LRRC38: variants seen among roughly 807,000 people sequenced by gnomAD.
LRRC38 encodes the protein leucine-rich repeat-containing protein 38.
In LRRC38, 5 loss-of-function variants were observed where a neutral mutation model predicts 16.4. The ratio of observed to expected loss-of-function variants is 0.31; its 90% CI spans 0.16 to 0.64. The LOEUF (loss-of-function observed/expected upper bound fraction) is 0.64. Among genes scored for constraint, LRRC38 ranks in the 30% least tolerant of loss-of-function variants. The probability of loss-of-function intolerance (pLI) is 0.80; values close to 1 mark genes in which losing one functional copy is unlikely to be tolerated. For missense variants in LRRC38, 341 were observed against 401.8 expected, an observed-to-expected ratio of 0.85 and a Z score of 1.29; for synonymous variants, 191 against 190.2, an observed-to-expected ratio of 1.00 and a Z score of -0.04.
intron 1 of LRRC38, among the ~76,000 whole-genome samples, chr1:13,488,690 C>T (rs1638971999): frequency 6.6e-6 from 1 of 152,090 alleles, no homozygotes; most frequent in Admixed American, 6.6e-5. Context: ...ATCTGATAAG[C>T]CATGAAAGGG....
Position 13,475,805 on chromosome 1 carries a change from G to C in LRRC38, c.*41C>G, listed in dbSNP as rs1226478169. 3 of 1,538,218 alleles carry C rather than the reference G, an allele frequency of 2.0e-6. No individual in the cohort carries two copies. In the Admixed American group the frequency reaches 5.9e-5, roughly 30 times the overall value. ...CCTCTCGTCTTGGAGAGAGCTTCTG[G>C]TTCGGTGCTGGAGAGTAAGAGGCAG... On this transcript the variant is annotated 3_prime_UTR_variant, in exon 2 of 2. Coordinates refer to ENST00000376085, the MANE Select transcript of LRRC38 (RefSeq NM_001010847.2). This position sits in a 1 kb window ranked among gnomAD's most constrained non-coding sequence, Gnocchi z 4.3.
At chr1:13,486,105 A>G (rs1016814926) in intron 1 of LRRC38, among the ~76,000 whole-genome samples, 2 of 151,862 alleles carry the variant, frequency 1.3e-5, no homozygotes, top group Admixed American at 6.6e-5. Flanking sequence ...CGCCCGGCTA[A>G]TTTTTGTAAT....
At chr1:13,509,319 A>G (rs1481586707) in intron 1 of LRRC38, among the ~76,000 whole-genome samples, 1 of 152,114 alleles carries the variant, frequency 6.6e-6, no homozygotes, top group Non-Finnish European at 1.5e-5. Flanking sequence ...GGGTGAATGC[A>G]GCCTCCCACC....
At chr1:13,506,129 C>A (rs1031078453) in intron 1 of LRRC38, among the ~76,000 whole-genome samples, 1 of 152,078 alleles carries the variant, frequency 6.6e-6, no homozygotes, top group Admixed American at 6.6e-5. Flanking sequence ...CAGCATCCCA[C>A]GAGATCGCAC....
chr1:13,495,995 C>T (rs779525318), intron 1 of LRRC38, among the ~76,000 whole-genome samples: 7 of 152,012 alleles, frequency 4.6e-5, no homozygotes, highest in Non-Finnish European at 1.0e-4. Flanking sequence ...GAGTGTCTGA[C>T]ATTTTCTAAT....
chr1:13,512,920 T>TG, intron 1 of LRRC38, 43 bp downstream of exon 1: 8 of 1,269,012 alleles, frequency 6.3e-6, no homozygotes, highest in Non-Finnish European at 5.4e-6. Context: ...GGCCTCTCCC[T>TG]GCCCCCCTCC....
chr1:13,479,983 T>C (rs1638833148), intron 1 of LRRC38, among the ~76,000 whole-genome samples: 1 of 152,230 alleles, frequency 6.6e-6, no homozygotes, highest in Admixed American at 6.5e-5. Flanking sequence ...TCCTGTAGGA[T>C]GTTCAGCAGC....
chr1:13,510,257 C>T (rs1402615931), intron 1 of LRRC38, among the ~76,000 whole-genome samples: 8 of 152,068 alleles, frequency 5.3e-5, no homozygotes, highest in Non-Finnish European at 8.8e-5. Flanking sequence ...TGGTTTTCTC[C>T]GGCAGGAAGT....
chr1:13,479,110 A>G (rs1184381351), intron 1 of LRRC38, among the ~76,000 whole-genome samples: 5 of 152,180 alleles, frequency 3.3e-5, no homozygotes. Flanking sequence ...TTTATCTTTT[A>G]AAAAATAAAA....
intron 1 of LRRC38, among the ~76,000 whole-genome samples, chr1:13,491,645 G>A (rs1639013595): frequency 6.6e-6 from 1 of 151,864 alleles, no homozygotes; most frequent in Non-Finnish European, 1.5e-5. Context: ...TGGCTAAGAT[G>A]ATATATTTAA....
chr1:13,488,090 C>T (rs960716895), intron 1 of LRRC38, among the ~76,000 whole-genome samples: 1 of 150,742 alleles, frequency 6.6e-6, no homozygotes, highest in African/African-American at 2.4e-5. Context: ...CAGAAATGCA[C>T]TCCACCACTC....
intron 1 of LRRC38, among the ~76,000 whole-genome samples, chr1:13,498,847 C>A (rs1002386184): frequency 2.0e-5 from 3 of 152,106 alleles, no homozygotes; most frequent in Non-Finnish European, 4.4e-5. Context: ...CATCTGAGAT[C>A]AAGGCATCGG....
intron 1 of LRRC38, among the ~76,000 whole-genome samples, chr1:13,492,605 G>A (rs1322361671): frequency 6.6e-6 from 1 of 151,992 alleles, no homozygotes; most frequent in East Asian, 1.9e-4. Flanking sequence ...AGGAGGCTAA[G>A]GTACAAGAAT....
chr1:13,476,476 G>A (rs1052646385), intron 1 of LRRC38, among the ~76,000 whole-genome samples: 1 of 152,090 alleles, frequency 6.6e-6, no homozygotes. Context: ...TTACAGGTGT[G>A]CACCGCCACA....
chr1:13,493,586 G>T (rs1035079915), intron 1 of LRRC38, among the ~76,000 whole-genome samples: 1 of 152,180 alleles, frequency 6.6e-6, no homozygotes, highest in African/African-American at 2.4e-5. Flanking sequence ...GGATTATCCT[G>T]GATTTGCAGG....
chr1:13,479,571 T>C (rs3845607), intron 1 of LRRC38, among the ~76,000 whole-genome samples: 19,028 of 152,244 alleles, frequency 0.12, 1,419 homozygotes, highest in East Asian at 0.27. Context: ...AAATGTCATC[T>C]CACATTTCTC....
In LRRC38 at chr1:13,513,603, G is replaced by GC; in HGVS notation, c.-11dup. The GC allele has an allele frequency of 1.1e-5, 12 of 1,084,678 alleles. No individual in the cohort carries two copies. Among genetic ancestry groups the GC allele is most frequent in the Non-Finnish European group, 1.3e-5 (12 of 895,832 alleles). The allele number at this position is 1,084,678 out of a possible 1,614,324, so 67.2% of individuals were successfully genotyped here. A position where few individuals can be genotyped will look rare whatever the true frequency, so the allele number is the denominator to read the frequency against. ...GGGCTCGGGGGCGCATGGCCGGGGG[G>GC]CCCGCGCCGGCCGCGGCGAGAAGGA... On this transcript the variant is annotated 5_prime_UTR_variant, in exon 1 of 2. Coordinates refer to ENST00000376085, the MANE Select transcript of LRRC38 (RefSeq NM_001010847.2).
intron 1 of LRRC38, among the ~76,000 whole-genome samples, chr1:13,507,327 G>A (rs943135089): frequency 6.6e-6 from 1 of 152,190 alleles, no homozygotes; most frequent in Admixed American, 6.5e-5. Context: ...TGGCACACAG[G>A]ACATGCACCG....
intron 1 of LRRC38, among the ~76,000 whole-genome samples, chr1:13,496,544 A>G (rs1639082769): frequency 6.6e-6 from 1 of 152,082 alleles, no homozygotes; most frequent in Admixed American, 6.6e-5. Context: ...CCAGTTTACC[A>G]TACTGGCTTC....
Sources: allele counts gnomAD v4.1 joint callset (sites outside exome capture counted in the v4.1 genomes callset), GRCh38; gene constraint gnomAD v4.1.1; non-coding constraint Gnocchi (gnomAD v3.1); transcripts MANE v1.5; gene names NCBI Gene and HGNC (gene_info 2026-07-23, HGNC 2026-07-21).